Variants in ABL2 observed in about 807,000 individuals in gnomAD.
The protein encoded by ABL2 is tyrosine-protein kinase ABL2.
In ABL2, 49 loss-of-function variants were observed where a neutral mutation model predicts 107.7. That is an observed-to-expected ratio of 0.45 (90% CI 0.36 to 0.58). The LOEUF is 0.58. Among genes scored for constraint, ABL2 ranks in the 20% least tolerant of loss-of-function variants. ABL2 has a pLI of 0.00. For synonymous variants in ABL2, 549 were observed against 548.6 expected (o/e 1.00, Z -0.01); for missense variants, 1,245 against 1,457.0 (o/e 0.85, Z 2.37).
At chr1:179,227,977 G>T (rs1052705302) in intron 1 of ABL2, among the ~76,000 whole-genome samples, 3 of 150,534 alleles carry the variant, frequency 2.0e-5, no homozygotes, top group African/African-American at 4.9e-5. Flanking sequence ...TTGAACCTGG[G>T]AGGCAGAGGT....
At chr1:179,203,574 A>AAG (rs1185788969) in intron 1 of ABL2, among the ~76,000 whole-genome samples, 2 of 152,152 alleles carry the variant, frequency 1.3e-5, no homozygotes, top group Non-Finnish European at 2.9e-5. Flanking sequence ...GAAAAAAAAA[A>AAG]TAACCTCTAT....
intron 1 of ABL2, among the ~76,000 whole-genome samples, chr1:179,198,810 G>A (rs534093992): frequency 6.2e-4 from 94 of 150,788 alleles, no homozygotes; most frequent in Admixed American, 1.7e-3. Flanking sequence ...ATGCTAATAG[G>A]GTATCATGTC....
chr1:179,120,041 C>T (rs570721825), intron 6 of ABL2, 149 bp downstream of exon 6: 26 of 487,244 alleles, frequency 5.3e-5, no homozygotes, highest in African/African-American at 4.2e-4. Flanking sequence ...AAGGCCCAGG[C>T]GGAAGTATCA....
chr1:179,168,657 C>G (rs528520974), intron 1 of ABL2, among the ~76,000 whole-genome samples: 46 of 152,236 alleles, frequency 3.0e-4, no homozygotes, highest in Non-Finnish European at 6.3e-4. Flanking sequence ...AATTTTAATA[C>G]ATGCACAGAT....
intron 1 of ABL2, among the ~76,000 whole-genome samples, chr1:179,146,426 T>C (rs1025200144): frequency 9.9e-5 from 15 of 152,098 alleles, no homozygotes; most frequent in Admixed American, 5.2e-4. Context: ...GTAGCACAGG[T>C]TGAGTATACC....
At chr1:179,170,894 C>T (rs191984971) in intron 1 of ABL2, among the ~76,000 whole-genome samples, 37 of 152,180 alleles carry the variant, frequency 2.4e-4, no homozygotes, top group African/African-American at 8.7e-4. Context: ...TGCGCTCAGC[C>T]TAATTTTTGT....
At chr1:179,154,560 C>T (rs1012238530) in intron 1 of ABL2, among the ~76,000 whole-genome samples, 2 of 152,190 alleles carry the variant, frequency 1.3e-5, no homozygotes, top group African/African-American at 4.8e-5. Flanking sequence ...TCGGTCCTAA[C>T]CAATTATGTT....
At chr1:179,148,601 A>G (rs977463737) in intron 1 of ABL2, among the ~76,000 whole-genome samples, 1 of 152,116 alleles carries the variant, frequency 6.6e-6, no homozygotes, top group Non-Finnish European at 1.5e-5. Context: ...GAGACACAAC[A>G]ATACTGAAAT....
Position 179,102,192 on chromosome 1 carries a change from T to C in ABL2, c.*5526A>G. 5.9e-6 allele frequency: 1 copy of C among 168,934 alleles called. No homozygotes were observed. Among genetic ancestry groups the C allele is most frequent in the Non-Finnish European group, 1.3e-5 (1 of 77,752 alleles). The allele number at this position is 168,934 out of a possible 1,614,324, so 10.5% of individuals were successfully genotyped here. On this transcript the variant is annotated 3_prime_UTR_variant, in exon 12 of 12. Transcript: ENST00000502732. ...ACGCCCAGCTAAGTTTTTGTATTTT[T>C]AGTAGAGGTGGGGTTTCACCGTGTT...
intron 2 of ABL2, among the ~76,000 whole-genome samples, chr1:179,132,780 G>A (rs532421163): frequency 6.7e-6 from 1 of 150,332 alleles, no homozygotes; most frequent in South Asian, 2.1e-4. Context: ...GACCTCAGGT[G>A]ATCCACCCGC....
In ABL2 at chr1:179,126,379, T is replaced by C. The variant is rs1206794789; in HGVS notation, c.685A>G (p.Lys229Glu). ...AGGTGGTGACCAGGGAGTCTTACCT[T>C]GCCATCTGCAGTGGTATTGATCCTG... ...HYRINTTADG[K>E]VYVTAESRFS... is the part of the protein sequence containing the mutation. The change falls in exon 4 of 12, where the codon AAG (lysine) becomes GAG (glutamate). Residue 229 changes from lysine to glutamate, a missense_variant and splice_region_variant. Physicochemically the swap from Lys to Glu is moderately conservative, Grantham distance 56 (BLOSUM62 1). This residue lies in a region of ABL2 where 320 missense variants were observed against 547.0 expected (regional missense o/e 0.59). Transcript: ENST00000502732. This position sits in a 1 kb window ranked among gnomAD's most constrained non-coding sequence, Gnocchi z 4.4. 4 of 1,610,598 alleles carry C rather than the reference T, an allele frequency of 2.5e-6. No homozygotes were observed. Among genetic ancestry groups the C allele is most frequent in the Admixed American group, 1.7e-5 (1 of 59,964 alleles).
rs1572583691 is a variant in ABL2, at chr1:179,100,028, A to C, written c.*7690T>G. Reference sequence around the variant, plus strand: ...GCACGACAGCAATGCACGTGTATTTATGGACACAAACACACACCAGCTATA... The same window carrying C: ...GCACGACAGCAATGCACGTGTATTTCTGGACACAAACACACACCAGCTATA... On this transcript the variant is annotated 3_prime_UTR_variant, in exon 12 of 12. Coordinates refer to ENST00000502732, the MANE Select transcript of ABL2 (RefSeq NM_007314.4). 4.3e-6 allele frequency: 1 copy of C among 232,504 alleles called. No homozygotes were observed. Among genetic ancestry groups the C allele is most frequent in the East Asian group, 6.1e-5 (1 of 16,478 alleles). 14.4% of individuals were successfully genotyped at this position (232,504 alleles called of 1,614,324 possible). A position where few individuals can be genotyped will look rare whatever the true frequency, so the allele number is the denominator to read the frequency against.
intron 1 of ABL2, among the ~76,000 whole-genome samples, chr1:179,208,763 G>T (rs138765363): frequency 1.6e-4 from 25 of 152,290 alleles, no homozygotes; most frequent in Middle Eastern, 3.4e-3. Context: ...GTAGGATAAT[G>T]TGTCTGACAC....
Position 179,104,950 on chromosome 1 carries a change from T to C in ABL2, c.*2768A>G, listed in dbSNP as rs916619159. The C allele has an allele frequency of 1.8e-5, 4 of 224,902 alleles. No individual in the cohort carries two copies. Among genetic ancestry groups the C allele is most frequent in the South Asian group, 1.8e-4 (1 of 5,462 alleles). 13.9% of individuals were successfully genotyped at this position (224,902 alleles called of 1,614,324 possible). A position where few individuals can be genotyped will look rare whatever the true frequency, so the allele number is the denominator to read the frequency against. On this transcript the variant is annotated 3_prime_UTR_variant, in exon 12 of 12. Coordinates refer to ENST00000502732, the MANE Select transcript of ABL2 (RefSeq NM_007314.4). ...ACATAAGGGTTTGTGTTTAAGCTGG[T>C]CCTTTTCAAGTAGAAAAAGGAAAAA... is the stretch of plus-strand genomic sequence containing the variant.
chr1:179,132,473 A>G (rs775146822), intron 2 of ABL2, among the ~76,000 whole-genome samples: 18 of 152,092 alleles, frequency 1.2e-4, no homozygotes, highest in Admixed American at 1.2e-3. Context: ...CCAAATGTCT[A>G]TGTCATATAA....
chr1:179,147,258 T>C lies in ABL2; in HGVS notation c.158-13884A>G, dbSNP rs114710592. Among the ~76,000 whole-genome samples, 591 of 148,134 alleles carry C rather than the reference T, an allele frequency of 4.0e-3. 3 individuals carry two copies. The highest frequency in any genetic ancestry group is 5.9e-3 in the Non-Finnish European group (400 of 67,514). On this transcript the variant is annotated intron_variant, in intron 1 of 11. Transcript: ENST00000502732. ...GAGAAAAGGGAACACTTATTCACTG[T>C]TGGTGGAAATGTAAGTTAGCACAAC...
intron 1 of ABL2, among the ~76,000 whole-genome samples, chr1:179,141,820 A>G (rs1269330620): frequency 6.6e-6 from 1 of 152,202 alleles, no homozygotes; most frequent in Non-Finnish European, 1.5e-5. Context: ...CAAAAGGAAA[A>G]CTTTTTCAAA....
chr1:179,229,167 T>TGCCCCCCCCCCCCCCCCC, intron 1 of ABL2, 74 bp downstream of exon 1: 4 of 402,570 alleles, frequency 9.9e-6, no homozygotes, highest in East Asian at 6.5e-5. Context: ...GGGCAGCCCG[T>TGCCCCCCCCCCCCCCCCC]CCGCCACCCA....
In ABL2 at chr1:179,115,036, T is replaced by A. The variant is rs562016675; in HGVS notation, c.1409-6A>T. ...CCACAACAATACCCCAAAAGCTGCA[T>A]AAGGAATTAAAAAAAGCACTTAGTG... On this transcript the variant is annotated splice_region_variant and splice_polypyrimidine_tract_variant and intron_variant, in intron 8 of 11. Transcript: ENST00000502732. 5.7e-6 allele frequency: 9 copies of A among 1,583,024 alleles called. No homozygotes were observed. In the South Asian group the frequency reaches 1.1e-4, roughly 19 times the overall value.
Sources: allele counts gnomAD v4.1 joint callset (sites outside exome capture counted in the v4.1 genomes callset), GRCh38; gene constraint gnomAD v4.1.1; regional missense constraint gnomAD v4.1.1; non-coding constraint Gnocchi (gnomAD v3.1); transcripts MANE v1.5; gene names NCBI Gene and HGNC (gene_info 2026-07-23, HGNC 2026-07-21).